PARP16: variants seen among roughly 807,000 people sequenced by gnomAD.
PARP16 encodes protein mono-ADP-ribosyltransferase PARP16.
A neutral mutation model predicts 35.0 loss-of-function variants in PARP16; 31 were observed. The observed-to-expected ratio is 0.88, with a 90% CI of 0.66 to 1.19. The LOEUF (loss-of-function observed/expected upper bound fraction) is 1.19. Among genes scored for constraint, PARP16 ranks in the 50% most tolerant of loss-of-function variants. The pLI is 0.00. For missense variants in PARP16, 424 were observed against 411.2 expected, an observed-to-expected ratio of 1.03 and a Z score of -0.27; for synonymous variants, 162 against 169.5, an observed-to-expected ratio of 0.96 and a Z score of 0.34.
intron 1 of PARP16, among the ~76,000 whole-genome samples, chr15:65,277,752 T>C (rs1211672905): frequency 1.3e-5 from 2 of 152,208 alleles, no homozygotes; most frequent in Non-Finnish European, 2.9e-5. Flanking sequence ...AAAGGAACAA[T>C]TCTGGCAGAA....
Position 65,286,388 on chromosome 15 carries a change from C to T in PARP16, c.39G>A (p.Ala13=). ...GGTCGGCGGCCAGCATGTCGCGGCC[C>T]GCCGCCTCCCTGGCGGCCGCCCAGC... ...PSGWAAAREA[A]GRDMLAADLR... is the part of the protein sequence containing the mutation. Residue 13 remains alanine, a synonymous_variant, in exon 1 of 6, where the codon GCG becomes GCA. Coordinates refer to ENST00000649807, the MANE Select transcript of PARP16 (RefSeq NM_001316943.2). 6.4e-7 allele frequency: 1 copy of T among 1,555,022 alleles called. No homozygotes were observed. The highest frequency in any genetic ancestry group is 1.2e-5 in the South Asian group (1 of 84,102).
chr15:65,232,859 C>T (rs1239536105), downstream of PARP16, among the ~76,000 whole-genome samples: 2 of 151,842 alleles, frequency 1.3e-5, no homozygotes, highest in Non-Finnish European at 2.9e-5. Context: ...AAGTTCAAGA[C>T]CACCCTAGCC....
chr15:65,239,954 C>CCTT, intron 3 of PARP16, among the ~76,000 whole-genome samples: 1 of 13,382 alleles, frequency 7.5e-5, no homozygotes. Context: ...CCGCGTCTGA[C>CCTT]CTTTTTTTTT....
chr15:65,243,594 C>T (rs1334909813), intron 3 of PARP16, among the ~76,000 whole-genome samples: 1 of 152,112 alleles, frequency 6.6e-6, no homozygotes, highest in African/African-American at 2.4e-5. Context: ...AGGCTGGCCT[C>T]ATAGAATAAG....
At chr15:65,266,463 C>A in intron 3 of PARP16, 99 bp downstream of exon 3, 1 of 979,932 alleles carries the variant, frequency 1.0e-6, no homozygotes, top group Non-Finnish European at 1.6e-6. Flanking sequence ...ACCTACCCGA[C>A]CCCACCTGCA....
intron 5 of PARP16, among the ~76,000 whole-genome samples, chr15:65,260,394 C>T (rs529226104): frequency 5.3e-5 from 8 of 152,122 alleles, no homozygotes; most frequent in Non-Finnish European, 1.0e-4. Context: ...TCTGAAGGCC[C>T]ACATCTGCTA....
intron 4 of PARP16, among the ~76,000 whole-genome samples, chr15:65,262,134 C>CTTTT (rs958810685): frequency 3.0e-5 from 4 of 132,250 alleles, no homozygotes; most frequent in African/African-American, 8.3e-5. Flanking sequence ...TTTTTTCTTT[C>CTTTT]TTTTTTTTTT....
intron 3 of PARP16, among the ~76,000 whole-genome samples, chr15:65,241,770 G>A (rs1409309237): frequency 6.6e-6 from 1 of 151,748 alleles, no homozygotes; most frequent in African/African-American, 2.4e-5. Flanking sequence ...AAGTATATAA[G>A]GAAGTTTTTA....
chr15:65,286,082 A>T (rs1489621868), intron 1 of PARP16, among the ~76,000 whole-genome samples, 171 bp downstream of exon 1: 2 of 152,202 alleles, frequency 1.3e-5, no homozygotes, highest in African/African-American at 4.8e-5. Context: ...GGGTGTTAGC[A>T]GTGTTCTTAG....
At chr15:65,260,808 AG>A in intron 5 of PARP16, 76 bp downstream of exon 5, 2 of 1,330,460 alleles carry the variant, frequency 1.5e-6, no homozygotes, top group Non-Finnish European at 2.1e-6. Context: ...AGGCTGGGGG[AG>A]GGGAGGCTGA....
intron 1 of PARP16, among the ~76,000 whole-genome samples, chr15:65,274,241 G>T (rs1027469530): frequency 1.7e-4 from 25 of 146,320 alleles, no homozygotes; most frequent in Non-Finnish European, 3.5e-4. Flanking sequence ...ACCAAGCCCA[G>T]CATACTTTTT....
chr15:65,286,703 G>C lies in PARP16; in HGVS notation c.-277C>G, dbSNP rs1389350764. On this transcript the variant is annotated 5_prime_UTR_variant, in exon 1 of 6. Transcript: ENST00000649807. Reference sequence around the variant, plus strand: ...TTGGGCCCAGGGATAAAGGAACTGGGGCTGGTGGGGGGGAGGGGTTCCCGG... The same window carrying C: ...TTGGGCCCAGGGATAAAGGAACTGGCGCTGGTGGGGGGGAGGGGTTCCCGG... 2.6e-6 allele frequency: 1 copy of C among 379,138 alleles called. No homozygotes were observed. Among genetic ancestry groups the C allele is most frequent in the Non-Finnish European group, 4.7e-6 (1 of 212,090 alleles). The allele number at this position is 379,138 out of a possible 1,614,324, so 23.5% of individuals were successfully genotyped here.
At chr15:65,273,809 G>A (rs1018065043) in intron 1 of PARP16, among the ~76,000 whole-genome samples, 2 of 150,882 alleles carry the variant, frequency 1.3e-5, no homozygotes, top group Non-Finnish European at 1.5e-5. Flanking sequence ...CCAGGAGGTG[G>A]AGGTTGCAGT....
chr15:65,261,512 A>G (rs927307314), intron 4 of PARP16, among the ~76,000 whole-genome samples: 1 of 150,986 alleles, frequency 6.6e-6, no homozygotes, highest in Non-Finnish European at 1.5e-5. Flanking sequence ...CTGGAGTGCA[A>G]CAGCGCAGTT....
At chr15:65,250,020 G>A (rs1196832576) in intron 2 of PARP16, among the ~76,000 whole-genome samples, 1 of 151,476 alleles carries the variant, frequency 6.6e-6, no homozygotes, top group Non-Finnish European at 1.5e-5. Flanking sequence ...ACTGGGCCTG[G>A]TGTCGGCACT....
intron 1 of PARP16, among the ~76,000 whole-genome samples, chr15:65,280,176 C>G (rs1230431471): frequency 6.6e-6 from 1 of 152,054 alleles, no homozygotes; most frequent in Non-Finnish European, 1.5e-5. Flanking sequence ...GTGGTTCACG[C>G]CTGTAATCCC....
chr15:65,240,770 G>C (rs184551141), intron 3 of PARP16, among the ~76,000 whole-genome samples: 4 of 152,206 alleles, frequency 2.6e-5, no homozygotes, highest in Admixed American at 2.6e-4. Flanking sequence ...AAATACCTAG[G>C]AGAGAAGTGA....
At chr15:65,234,196 C>T (rs2088822171), downstream of PARP16, among the ~76,000 whole-genome samples, 1 of 152,162 alleles carries the variant, frequency 6.6e-6, no homozygotes, top group South Asian at 2.1e-4. Flanking sequence ...CCAGGTTGGT[C>T]TTGAACTCCT....
chr15:65,285,145 T>G (rs896073965), intron 1 of PARP16, among the ~76,000 whole-genome samples: 13 of 151,402 alleles, frequency 8.6e-5, no homozygotes, highest in African/African-American at 2.7e-4. Context: ...TCCAGGTTTT[T>G]TTTTTTTTTT....
Sources: allele counts gnomAD v4.1 joint callset (sites outside exome capture counted in the v4.1 genomes callset), GRCh38; gene constraint gnomAD v4.1.1; transcripts MANE v1.5; gene names NCBI Gene and HGNC (gene_info 2026-07-23, HGNC 2026-07-21).